ZFYVE28: variants seen among roughly 807,000 people sequenced by gnomAD.
ZFYVE28 encodes lateral signaling target protein 2 homolog.
A neutral mutation model predicts 82.1 loss-of-function variants in ZFYVE28; 40 were observed. The ratio of observed to expected loss-of-function variants is 0.49; its 90% CI spans 0.38 to 0.63. ZFYVE28 has a LOEUF of 0.63. Among genes scored for constraint, ZFYVE28 ranks in the 30% least tolerant of loss-of-function variants. ZFYVE28 has a pLI of 0.00. For synonymous variants in ZFYVE28, 612 were observed against 546.1 expected, an observed-to-expected ratio of 1.12 and a Z score of -1.68; for missense variants, 1,321 against 1,242.1, an observed-to-expected ratio of 1.06 and a Z score of -0.96.
chr4:2,330,324 T>A, intron 6 of ZFYVE28: 25 of 989,132 alleles, frequency 2.5e-5, no homozygotes, highest in Non-Finnish European at 3.0e-5. Context: ...AACCTGCTGG[T>A]GGGAGAGGGC....
At chr4:2,385,186 C>T (rs1025541417) in intron 1 of ZFYVE28, among the ~76,000 whole-genome samples, 1 of 152,200 alleles carries the variant, frequency 6.6e-6, no homozygotes, top group Non-Finnish European at 1.5e-5. Context: ...TGCTGCCACC[C>T]CTTCCCGTCA....
intron 8 of ZFYVE28, among the ~76,000 whole-genome samples, chr4:2,281,677 G>A (rs1711993948): frequency 6.6e-6 from 1 of 152,208 alleles, no homozygotes; most frequent in Non-Finnish European, 1.5e-5. Flanking sequence ...TGGGGATTAA[G>A]TTACCAACAC....
chr4:2,406,371 C>CA (rs11451238), intron 1 of ZFYVE28, among the ~76,000 whole-genome samples: 49,417 of 150,246 alleles, frequency 0.33, 8,794 homozygotes, highest in East Asian at 0.52. Context: ...GACTCTGTCT[C>CA]AAAAAAAAAC....
chr4:2,310,616 C>A (rs1717342521), intron 7 of ZFYVE28, among the ~76,000 whole-genome samples: 1 of 152,014 alleles, frequency 6.6e-6, no homozygotes, highest in Admixed American at 6.6e-5. Flanking sequence ...CCAGCTGGGG[C>A]AACACAGTAA....
chr4:2,315,986 C>A (rs1247511863), intron 7 of ZFYVE28, among the ~76,000 whole-genome samples: 2 of 151,482 alleles, frequency 1.3e-5, no homozygotes, highest in Admixed American at 1.3e-4. Context: ...GTTGTTTTTC[C>A]CCTCTTTTTT....
Position 2,417,340 on chromosome 4 carries a change from G to A in ZFYVE28, c.39+945C>T, listed in dbSNP as rs977590360. 2.0e-5 allele frequency among the ~76,000 whole-genome samples: 3 copies of A among 151,808 alleles called. No homozygotes were observed. The highest frequency in any genetic ancestry group is 4.8e-5 in the African/African-American group (2 of 41,424). On this transcript the variant is annotated intron_variant, in intron 1 of 12. Coordinates refer to ENST00000290974, the MANE Select transcript of ZFYVE28 (RefSeq NM_020972.3). The surrounding 1 kb of genome is among the most constrained non-coding windows in gnomAD (Gnocchi z 4.8). ...CTGAACACCGCCGCGCCTTCATCCC[G>A]CGCCGAGCGCGCCCGGCCCTGCTCC...
At chr4:2,307,182 A>C (rs1017404026) in intron 7 of ZFYVE28, 1 of 152,186 alleles carries the variant, frequency 6.6e-6, no homozygotes, top group Admixed American at 6.5e-5. Context: ...CAGTTTACTT[A>C]TCAGCCCTTA....
chr4:2,418,425 G>A lies in ZFYVE28; in HGVS notation c.-102C>T. 1 of 966,524 alleles carries A rather than the reference G, an allele frequency of 1.0e-6. No homozygotes were observed. Among genetic ancestry groups the A allele is most frequent in the Non-Finnish European group, 1.3e-6 (1 of 787,132 alleles). 59.9% of individuals were successfully genotyped at this position (966,524 alleles called of 1,614,324 possible). A position where few individuals can be genotyped will look rare whatever the true frequency, so the allele number is the denominator to read the frequency against. ...GGGCGGACGCGGAGGCACGGCCGGA[G>A]CCCCCGCGCTGTCGCAGGGAGGCTG... is the stretch of plus-strand genomic sequence containing the variant. On this transcript the variant is annotated 5_prime_UTR_variant, in exon 1 of 13. Transcript: ENST00000290974. The surrounding 1 kb of genome is among the most constrained non-coding windows in gnomAD (Gnocchi z 4.6).
intron 1 of ZFYVE28, among the ~76,000 whole-genome samples, chr4:2,369,911 C>T (rs1323490002): frequency 8.0e-5 from 11 of 137,582 alleles, no homozygotes; most frequent in African/African-American, 1.7e-4. Context: ...AGTGCAGTGG[C>T]GTGATCTCGG....
At chr4:2,319,346 C>G (rs568470449) in intron 7 of ZFYVE28, among the ~76,000 whole-genome samples, 1 of 152,196 alleles carries the variant, frequency 6.6e-6, no homozygotes, top group African/African-American at 2.4e-5. Context: ...AACCCACTGA[C>G]GCCAAGGACC....
chr4:2,389,999 G>A (rs933053526), intron 1 of ZFYVE28, among the ~76,000 whole-genome samples: 6 of 152,314 alleles, frequency 3.9e-5, no homozygotes, highest in Non-Finnish European at 5.9e-5. Context: ...GCGGCCCCCC[G>A]AAGATAGGTC....
intron 1 of ZFYVE28, among the ~76,000 whole-genome samples, chr4:2,413,088 C>T (rs1165985785): frequency 2.0e-5 from 3 of 152,342 alleles, no homozygotes; most frequent in East Asian, 1.9e-4. Flanking sequence ...GAGTGATGCT[C>T]GCCCTCTGTC....
In ZFYVE28 at chr4:2,394,910, G is replaced by C. The variant is rs1409886485; in HGVS notation, c.39+23375C>G. On this transcript the variant is annotated intron_variant, in intron 1 of 12. Transcript: ENST00000290974. This position sits in a 1 kb window ranked among gnomAD's most constrained non-coding sequence, Gnocchi z 4.0. ...TCATTCAATCTCTTCCCTGCAAAGG[G>C]TAAGGCCAGCCCTAATGATGCTCTC... is the stretch of plus-strand genomic sequence containing the variant. 1.3e-5 allele frequency among the ~76,000 whole-genome samples: 2 copies of C among 152,224 alleles called. No individual in the cohort carries two copies. Among genetic ancestry groups the C allele is most frequent in the Admixed American group, 1.3e-4 (2 of 15,288 alleles).
chr4:2,281,611 A>G (rs1711981163), intron 8 of ZFYVE28, among the ~76,000 whole-genome samples: 1 of 152,214 alleles, frequency 6.6e-6, no homozygotes, highest in Non-Finnish European at 1.5e-5. Context: ...TCAGGAGGGC[A>G]AAGCCTTCAT....
chr4:2,331,181 G>T, intron 6 of ZFYVE28: 1 of 450,822 alleles, frequency 2.2e-6, no homozygotes, highest in Non-Finnish European at 3.8e-6. Flanking sequence ...GAGGAGAGGG[G>T]CCTGGGTTCT....
chr4:2,311,489 G>A (rs1717465682), intron 7 of ZFYVE28, among the ~76,000 whole-genome samples: 1 of 152,142 alleles, frequency 6.6e-6, no homozygotes, highest in African/African-American at 2.4e-5. Context: ...TCGCACCACT[G>A]TACTCCAGCC....
rs141327005 is a variant in ZFYVE28, at chr4:2,326,505, G to A, written c.702-6234C>T. Among the ~76,000 whole-genome samples the A allele has an allele frequency of 4.5e-4, 68 of 152,226 alleles. No homozygotes were observed. In the East Asian group the frequency reaches 0.013, roughly 28 times the overall value. On this transcript the variant is annotated intron_variant, in intron 6 of 12. Coordinates refer to ENST00000290974, the MANE Select transcript of ZFYVE28 (RefSeq NM_020972.3). ...CTCCAGCTTTGTCCTTTTTGCTCAT[G>A]ATTGCCTTGGCTATTCGTGGGTTTT...
intron 6 of ZFYVE28, among the ~76,000 whole-genome samples, chr4:2,329,753 T>A (rs1341295934): frequency 6.6e-6 from 1 of 152,250 alleles, no homozygotes; most frequent in Non-Finnish European, 1.5e-5. Flanking sequence ...ACTGGGGATG[T>A]TTTTGCATAG....
intron 1 of ZFYVE28, among the ~76,000 whole-genome samples, chr4:2,390,215 C>T (rs780977167): frequency 1.3e-5 from 2 of 152,296 alleles, no homozygotes; most frequent in South Asian, 2.1e-4. Context: ...CCAAGCTGGC[C>T]GGCAGCTACC....
Sources: allele counts gnomAD v4.1 joint callset (sites outside exome capture counted in the v4.1 genomes callset), GRCh38; gene constraint gnomAD v4.1.1; non-coding constraint Gnocchi (gnomAD v3.1); transcripts MANE v1.5; gene names NCBI Gene and HGNC (gene_info 2026-07-23, HGNC 2026-07-21).